EML4: variants seen among roughly 807,000 people sequenced by gnomAD.
The protein encoded by EML4 is EMAP like 4.
In EML4, 72 loss-of-function variants were observed where a neutral mutation model predicts 129.0. The observed-to-expected ratio is 0.56, with a 90% CI of 0.46 to 0.68. The LOEUF is 0.68. EML4 is among the 30% of genes least tolerant of loss of function. The probability of loss-of-function intolerance (pLI) is 0.00; values close to 1 mark genes in which losing one functional copy is unlikely to be tolerated. For missense variants in EML4, 1,363 were observed against 1,190.6 expected (o/e 1.14, Z -2.13); for synonymous variants, 532 against 405.0 (o/e 1.31, Z -3.77).
chr2:42,254,921 A>C (rs995718923), intron 2 of EML4, among the ~76,000 whole-genome samples: 44 of 152,192 alleles, frequency 2.9e-4, no homozygotes, highest in African/African-American at 8.2e-4. Context: ...AAAACAAAAT[A>C]TACAGTGGAA....
Position 42,325,462 on chromosome 2 carries a change from T to C in EML4, c.2155-5T>C, listed in dbSNP as rs1320835868. On this transcript the variant is annotated splice_polypyrimidine_tract_variant and splice_region_variant and intron_variant, in intron 19 of 22. Coordinates refer to ENST00000318522, the MANE Select transcript of EML4 (RefSeq NM_019063.5). The stretch of plus-strand genomic sequence containing the variant: ...CTTTCTAACAATTTATCTGTTATTT[T>C]CTAGGGACATTCCAGCTACATCACA... 4 of 1,471,732 alleles carry C rather than the reference T, an allele frequency of 2.7e-6. No homozygotes were observed. The South Asian group carries it at 3.5e-5, about 13-fold the overall frequency. 91.2% of individuals were successfully genotyped at this position (1,471,732 alleles called of 1,614,324 possible). A position where few individuals can be genotyped will look rare whatever the true frequency, so the allele number is the denominator to read the frequency against.
At chr2:42,244,403 T>C (rs1675248543) in intron 1 of EML4, among the ~76,000 whole-genome samples, 1 of 152,112 alleles carries the variant, frequency 6.6e-6, no homozygotes, top group South Asian at 2.1e-4. Context: ...AGCCAGCAAT[T>C]GATGTTTCTA....
chr2:42,286,470 G>C, intron 10 of EML4, 91 bp downstream of exon 10: 1 of 775,218 alleles, frequency 1.3e-6, no homozygotes, highest in Non-Finnish European at 2.3e-6. Context: ...GCCATGAAGT[G>C]ATAATCCTGA....
intron 6 of EML4, among the ~76,000 whole-genome samples, chr2:42,267,760 C>CT (rs1292912088): frequency 6.6e-6 from 1 of 152,178 alleles, no homozygotes; most frequent in Non-Finnish European, 1.5e-5. Context: ...AAAAGAGGCT[C>CT]TTACTGACCT....
intron 1 of EML4, among the ~76,000 whole-genome samples, chr2:42,227,473 CTT>C (rs201223334): frequency 2.0e-3 from 270 of 133,010 alleles, no homozygotes; most frequent in African/African-American, 2.2e-3. Flanking sequence ...CCTGTTAAGG[CTT>C]TTTTTTTTTT....
intron 1 of EML4, among the ~76,000 whole-genome samples, chr2:42,183,789 C>CT (rs775504376): frequency 2.6e-5 from 4 of 151,488 alleles, no homozygotes; most frequent in South Asian, 2.1e-4. Context: ...TCAATAAAAT[C>CT]TTTTTTTTCA....
intron 10 of EML4, among the ~76,000 whole-genome samples, chr2:42,287,477 A>G (rs976785397): frequency 2.6e-5 from 4 of 152,154 alleles, no homozygotes; most frequent in Admixed American, 2.6e-4. Context: ...AGGCTAAGAG[A>G]TAAAGAGGAG....
intron 6 of EML4, among the ~76,000 whole-genome samples, chr2:42,271,900 T>C (rs1054014151): frequency 1.3e-5 from 2 of 151,976 alleles, no homozygotes; most frequent in Admixed American, 6.6e-5. Flanking sequence ...GTCAGGAGTT[T>C]GAGACCAGCC....
chr2:42,331,031 G>C lies in EML4; in HGVS notation c.*824G>C, dbSNP rs182494413. On this transcript the variant is annotated 3_prime_UTR_variant, in exon 23 of 23. Transcript: ENST00000318522. The stretch of plus-strand genomic sequence containing the variant: ...ATGTTTGAGATTCAAGTGAATGGAA[G>C]GAAAACCACATGCCTTTAAAACTAA... The C allele has an allele frequency of 2.3e-5, 5 of 215,316 alleles. No individual in the cohort carries two copies. Among genetic ancestry groups the C allele is most frequent in the African/African-American group, 6.8e-5 (3 of 44,442 alleles). The allele number at this position is 215,316 out of a possible 1,614,324, so 13.3% of individuals were successfully genotyped here.
At chr2:42,237,453 C>T (rs1674749344) in intron 1 of EML4, among the ~76,000 whole-genome samples, 3 of 151,926 alleles carry the variant, frequency 2.0e-5, no homozygotes, top group African/African-American at 4.8e-5. Flanking sequence ...TATGATTTTG[C>T]CTTTAATTCT....
intron 19 of EML4, chr2:42,325,084 T>C: frequency 2.5e-6 from 1 of 404,472 alleles, no homozygotes; most frequent in South Asian, 1.8e-5. Flanking sequence ...TGATGCCTTA[T>C]GCACAACTTA....
At position 42,303,499 on chromosome 2, in the gene EML4, G is replaced by A. The variant is rs1051228343; in HGVS notation, c.1899+53G>A. 6.9e-6 allele frequency: 11 copies of A among 1,587,024 alleles called. No individual in the cohort carries two copies. In the South Asian group the frequency reaches 1.0e-4, roughly 15 times the overall value. ...CCTCCCCACAGAAACTCCTCACACTGGCAGTTGAGAGCAGCAAAGTAAAAA... is the reference window on the plus strand; with the variant it reads ...CCTCCCCACAGAAACTCCTCACACTAGCAGTTGAGAGCAGCAAAGTAAAAA... On this transcript the variant is annotated intron_variant, in intron 16 of 22. Transcript: ENST00000318522.
intron 1 of EML4, among the ~76,000 whole-genome samples, chr2:42,219,874 C>G (rs1405837471): frequency 6.6e-6 from 1 of 150,644 alleles, no homozygotes; most frequent in Non-Finnish European, 1.5e-5. Context: ...TGCAGTGAGC[C>G]AAGATCGTGC....
At chr2:42,251,611 A>T (rs993871923) in intron 2 of EML4, among the ~76,000 whole-genome samples, 5 of 152,250 alleles carry the variant, frequency 3.3e-5, no homozygotes, top group African/African-American at 1.2e-4. Flanking sequence ...CAAAGACTGA[A>T]GCAAGAGTAA....
intron 6 of EML4, among the ~76,000 whole-genome samples, chr2:42,269,657 G>A (rs1250962174): frequency 1.3e-5 from 2 of 152,136 alleles, no homozygotes; most frequent in Non-Finnish European, 2.9e-5. Flanking sequence ...TATGAAGTAT[G>A]TAGATAACTG....
Position 42,286,325 on chromosome 2 carries a change from T to G in EML4, c.1068T>G (p.Ile356Met), listed in dbSNP as rs1368379077. ...WDSVTLSTLQ[I>M]IGLGTFERGV... is the part of the protein sequence containing the mutation. ...CTGTTACTCTATCCACACTGCAGAT[T>G]ATTGGACTTGGCACTTTTGAGCGTG... The change falls in exon 10 of 23, where the codon ATT becomes ATG. Residue 356 changes from isoleucine to methionine, a missense_variant. Coordinates refer to ENST00000318522, the MANE Select transcript of EML4 (RefSeq NM_019063.5). 6.2e-7 allele frequency: 1 copy of G among 1,614,150 alleles called. No homozygotes were observed. The highest frequency in any genetic ancestry group is 8.5e-7 in the Non-Finnish European group (1 of 1,179,960).
intron 1 of EML4, among the ~76,000 whole-genome samples, chr2:42,207,465 T>C (rs1417795361): frequency 6.6e-6 from 1 of 152,212 alleles, no homozygotes; most frequent in Non-Finnish European, 1.5e-5. Context: ...AATATGATTT[T>C]CTCATTGATG....
chr2:42,295,198 C>G lies in EML4; in HGVS notation c.1292C>G (p.Ser431Cys), dbSNP rs772149558. 6.2e-6 allele frequency: 10 copies of G among 1,613,164 alleles called. No homozygotes were observed. Among genetic ancestry groups the G allele is most frequent in the African/African-American group, 1.3e-5 (1 of 74,884 alleles). Residue 431 changes from serine to cysteine, a missense_variant, in exon 12 of 23, where the codon TCT (serine) becomes TGT (cysteine). Physicochemically the swap from Ser to Cys is moderately radical, Grantham distance 112. Coordinates refer to ENST00000318522, the MANE Select transcript of EML4 (RefSeq NM_019063.5). The stretch of plus-strand genomic sequence containing the variant: ...AATACCATAATTACATGCGGTAAAT[C>G]TCATATTTTCTTCTGGACCTGGAGC... ...DANTIITCGK[S>C]HIFFWTWSGN... is the part of the protein sequence containing the mutation.
At chr2:42,237,257 A>G (rs1234505951) in intron 1 of EML4, among the ~76,000 whole-genome samples, 1 of 152,074 alleles carries the variant, frequency 6.6e-6, no homozygotes, top group Middle Eastern at 3.2e-3. Flanking sequence ...TTTATCATTT[A>G]TTATGTGTTA....
Sources: allele counts gnomAD v4.1 joint callset (sites outside exome capture counted in the v4.1 genomes callset), GRCh38; gene constraint gnomAD v4.1.1; transcripts MANE v1.5; gene names NCBI Gene and HGNC (gene_info 2026-07-23, HGNC 2026-07-21).